LCE7A: variants seen among roughly 807,000 people sequenced by gnomAD.
LCE7A encodes late cornified envelope 7A.
the LCE7A span, among the ~76,000 whole-genome samples, chr1:152,861,139 C>G: frequency 6.6e-6 from 1 of 152,200 alleles, no homozygotes; most frequent in Non-Finnish European, 1.5e-5. Context: ...GAACCTCAGG[C>G]CTCTTGGCCT....
chr1:152,860,980 A>T, the LCE7A span, among the ~76,000 whole-genome samples: 1 of 152,188 alleles, frequency 6.6e-6, no homozygotes, highest in Non-Finnish European at 1.5e-5. Flanking sequence ...TGGAGACTGC[A>T]GCTGACCTGT....
chr1:152,860,495 C>T, the LCE7A span, among the ~76,000 whole-genome samples: 1 of 152,142 alleles, frequency 6.6e-6, no homozygotes, highest in Non-Finnish European at 1.5e-5. Flanking sequence ...AAGATGTCAC[C>T]AGACTCTAAC....
the LCE7A span, among the ~76,000 whole-genome samples, chr1:152,861,113 C>T: frequency 6.6e-6 from 1 of 152,204 alleles, no homozygotes; most frequent in Non-Finnish European, 1.5e-5. Flanking sequence ...AGGTGATGGG[C>T]TCCCCCTTTT....
chr1:152,860,533 C>T, the LCE7A span, among the ~76,000 whole-genome samples: 7 of 152,146 alleles, frequency 4.6e-5, no homozygotes, highest in Non-Finnish European at 7.3e-5. Flanking sequence ...TCTCCTATGT[C>T]AGGAAAGCAG....
At chr1:152,860,507 TACTC>T in the LCE7A span, among the ~76,000 whole-genome samples, 1 of 152,148 alleles carries the variant, frequency 6.6e-6, no homozygotes, top group Admixed American at 6.5e-5. Context: ...GACTCTAACT[TACTC>T]ACTGCTGAAT....
chr1:152,860,379 T>G, the LCE7A span, among the ~76,000 whole-genome samples: 2 of 152,098 alleles, frequency 1.3e-5, no homozygotes, highest in Middle Eastern at 3.2e-3. Context: ...ATGCATAAAT[T>G]AGAAGATAGG....
the LCE7A span, among the ~76,000 whole-genome samples, chr1:152,860,809 C>A: frequency 3.9e-5 from 6 of 152,330 alleles, no homozygotes; most frequent in East Asian, 1.9e-4. Context: ...TCCATGCCCC[C>A]CTCCAGCTCC....
the LCE7A span, among the ~76,000 whole-genome samples, chr1:152,860,216 GGGGCAGTGCAA>G: frequency 6.6e-6 from 1 of 152,138 alleles, no homozygotes; most frequent in South Asian, 2.1e-4. Flanking sequence ...ACCAGAGACT[GGGGCAGTGCAA>G]GTGTTTGTAG....
At chr1:152,860,919 T>C in the LCE7A span, among the ~76,000 whole-genome samples, 2 of 152,208 alleles carry the variant, frequency 1.3e-5, no homozygotes, top group African/African-American at 4.8e-5. Context: ...AGCCCCAGCA[T>C]TCTGACTGCT....
At chr1:152,861,102 T>C in the LCE7A span, among the ~76,000 whole-genome samples, 18 of 152,206 alleles carry the variant, frequency 1.2e-4, no homozygotes, top group Non-Finnish European at 2.1e-4. Context: ...CCTAGCTCCA[T>C]AGGTGATGGG....
the LCE7A span, among the ~76,000 whole-genome samples, chr1:152,860,016 G>C: frequency 6.6e-6 from 1 of 152,178 alleles, no homozygotes; most frequent in East Asian, 1.9e-4. Flanking sequence ...CGTTTGCCCA[G>C]GGTTAAGAGG....
the LCE7A span, among the ~76,000 whole-genome samples, chr1:152,860,121 T>C: frequency 2.0e-5 from 3 of 152,166 alleles, no homozygotes; most frequent in Admixed American, 1.3e-4. Flanking sequence ...TTGGAGAGAA[T>C]GGAAATTGAT....
At chr1:152,860,440 C>T in the LCE7A span, among the ~76,000 whole-genome samples, 1 of 152,100 alleles carries the variant, frequency 6.6e-6, no homozygotes, top group African/African-American at 2.4e-5. Flanking sequence ...TAAGCAACTG[C>T]CTTTGAAGTC....
At chr1:152,861,103 A>C in the LCE7A span, among the ~76,000 whole-genome samples, 1 of 152,152 alleles carries the variant, frequency 6.6e-6, no homozygotes, top group African/African-American at 2.4e-5. Context: ...CTAGCTCCAT[A>C]GGTGATGGGC....
chr1:152,860,767 T>C, the LCE7A span, among the ~76,000 whole-genome samples: 1 of 152,200 alleles, frequency 6.6e-6, no homozygotes, highest in African/African-American at 2.4e-5. Flanking sequence ...TCCATCCAAG[T>C]GGACCCCTCA....
At chr1:152,860,576 G>A in the LCE7A span, among the ~76,000 whole-genome samples, 1 of 152,282 alleles carries the variant, frequency 6.6e-6, no homozygotes, top group African/African-American at 2.4e-5. Flanking sequence ...GGCTTCTGGA[G>A]CCACATATTC....
At chr1:152,861,214 C>T in the LCE7A span, among the ~76,000 whole-genome samples, 42 of 152,320 alleles carry the variant, frequency 2.8e-4, no homozygotes, top group African/African-American at 9.1e-4. Flanking sequence ...GAAGCCTGAT[C>T]TGTGTGCTAA....
chr1:152,860,126 A>G, the LCE7A span, among the ~76,000 whole-genome samples: 6 of 152,136 alleles, frequency 3.9e-5, no homozygotes, highest in African/African-American at 1.4e-4. Context: ...GAGAATGGAA[A>G]TTGATAATTC....
chr1:152,860,289 T>C, the LCE7A span, among the ~76,000 whole-genome samples: 3 of 152,002 alleles, frequency 2.0e-5, no homozygotes, highest in African/African-American at 7.3e-5. Flanking sequence ...GTACAGCTCA[T>C]GATGCAAGAA....
Sources: gnomAD v4.1 joint callset for allele counts (sites outside exome capture counted in the v4.1 genomes callset) on GRCh38, gnomAD v4.1.1 for gene constraint, MANE v1.5 for transcripts, NCBI Gene and HGNC (gene_info 2026-07-23, HGNC 2026-07-21) for gene names.